The following CDH2 variants were observed in gnomAD, a reference collection of about 807,000 sequenced individuals.
CDH2 encodes cadherin 2.
A neutral mutation model predicts 92.0 loss-of-function variants in CDH2; 17 were observed. The observed-to-expected ratio is 0.18, with a 90% CI of 0.13 to 0.28. The LOEUF is 0.28. Among genes scored for constraint, CDH2 ranks in the 10% least tolerant of loss-of-function variants. The pLI, the probability that CDH2 is intolerant of heterozygous loss-of-function variation, is 1.00. For synonymous variants in CDH2, 419 were observed against 415.9 expected (o/e 1.01, Z -0.09); for missense variants, 862 against 1,133.1 (o/e 0.76, Z 3.44).
intron 3 of CDH2, among the ~76,000 whole-genome samples, chr18:28,012,358 T>G (rs1012433934): frequency 6.6e-6 from 1 of 152,322 alleles, no homozygotes; most frequent in Middle Eastern, 3.4e-3. Flanking sequence ...TACTGTACAT[T>G]AAATTTAGAT....
chr18:27,985,904 C>G (rs530778570), intron 11 of CDH2, 143 bp from the exon 12 acceptor site: 1 of 591,562 alleles, frequency 1.7e-6, no homozygotes, highest in South Asian at 2.2e-5. Flanking sequence ...GGCATCTGGG[C>G]AGACCGTTTC....
chr18:27,947,141 T>C (rs186078338), downstream of CDH2, among the ~76,000 whole-genome samples: 299 of 151,798 alleles, frequency 2.0e-3, 4 homozygotes, highest in Non-Finnish European at 8.1e-4. Flanking sequence ...TGATTGTTTG[T>C]CAGGAAAATC....
chr18:28,079,731 C>T (rs975100670), intron 2 of CDH2, among the ~76,000 whole-genome samples: 15 of 152,184 alleles, frequency 9.9e-5, no homozygotes, highest in African/African-American at 3.4e-4. Context: ...CCTAAAACCA[C>T]GGAACTGCAT....
intron 2 of CDH2, among the ~76,000 whole-genome samples, chr18:28,019,390 AAAG>A (rs200963912): frequency 0.011 from 1,709 of 152,184 alleles, 19 homozygotes; most frequent in South Asian, 0.028. Context: ...AGAAAAAAGA[AAAG>A]AAAAAGAGAA....
chr18:28,072,798 G>A (rs775119890), intron 2 of CDH2, among the ~76,000 whole-genome samples: 9 of 152,188 alleles, frequency 5.9e-5, no homozygotes, highest in Non-Finnish European at 1.3e-4. Flanking sequence ...TCTGCTTTAC[G>A]CAAAGAGTAG....
chr18:28,005,702 T>C, intron 6 of CDH2, 147 bp downstream of exon 6: 1 of 573,440 alleles, frequency 1.7e-6, no homozygotes, highest in Non-Finnish European at 2.9e-6. Flanking sequence ...TTCCCTAAGT[T>C]ACCTTCCTTC....
chr18:28,135,149 G>A (rs1288228215), intron 2 of CDH2, among the ~76,000 whole-genome samples: 1 of 152,038 alleles, frequency 6.6e-6, no homozygotes, highest in Non-Finnish European at 1.5e-5. Context: ...ATAGGGTGTG[G>A]GACAGCTAAA....
chr18:28,030,307 A>T (rs1006639796), intron 2 of CDH2, among the ~76,000 whole-genome samples: 6 of 152,094 alleles, frequency 3.9e-5, no homozygotes, highest in African/African-American at 1.2e-4. Flanking sequence ...ATGAAAAAGT[A>T]TTAAGTGTAA....
At chr18:27,947,462 T>G (rs562193393), downstream of CDH2, among the ~76,000 whole-genome samples, 2 of 151,906 alleles carry the variant, frequency 1.3e-5, no homozygotes, top group South Asian at 4.1e-4. Flanking sequence ...TTATGGAACT[T>G]CACAAAATAA....
intron 2 of CDH2, among the ~76,000 whole-genome samples, chr18:28,130,130 T>C (rs1893259): frequency 0.026 from 3,969 of 152,314 alleles, 108 homozygotes; most frequent in Admixed American, 0.093. Context: ...TTTTCATGTC[T>C]AGGATACAGG....
At chr18:28,013,564 T>C (rs2013156016) in intron 3 of CDH2, 119 bp downstream of exon 3, 3 of 724,428 alleles carry the variant, frequency 4.1e-6, no homozygotes, top group Admixed American at 4.4e-5. Flanking sequence ...ATGACCAAAG[T>C]TGATACAAAT....
intron 1 of CDH2, among the ~76,000 whole-genome samples, chr18:28,148,044 T>C (rs958209974): frequency 6.6e-6 from 1 of 152,184 alleles, no homozygotes; most frequent in Non-Finnish European, 1.5e-5. Context: ...GGACTGAACA[T>C]TTCCATTAAA....
At position 28,007,091 on chromosome 18, in the gene CDH2, C is replaced by T. The variant is rs188621703; in HGVS notation, c.703-1098G>A. On this transcript the variant is annotated intron_variant, in intron 5 of 15. Coordinates refer to ENST00000269141, the MANE Select transcript of CDH2 (RefSeq NM_001792.5). ...AGGAGAATTGCTTGAACCTGGGAGG[C>T]GGCAGCTGCGGTGAGCTGAGATCAT... 2.5e-3 allele frequency among the ~76,000 whole-genome samples: 368 copies of T among 147,326 alleles called. 2 individuals are homozygous for T. The highest frequency in any genetic ancestry group is 8.5e-3 in the African/African-American group (340 of 39,808).
intron 2 of CDH2, among the ~76,000 whole-genome samples, chr18:28,035,548 T>A (rs1294556377): frequency 6.6e-6 from 1 of 152,068 alleles, no homozygotes; most frequent in Non-Finnish European, 1.5e-5. Flanking sequence ...ATTCATCTTG[T>A]TTAACTTTAT....
At chr18:27,998,804 G>C (rs545751515) in intron 7 of CDH2, among the ~76,000 whole-genome samples, 1 of 152,242 alleles carries the variant, frequency 6.6e-6, no homozygotes, top group African/African-American at 2.4e-5. Context: ...ATTTTTAGTA[G>C]AGACAGGGTT....
intron 2 of CDH2, among the ~76,000 whole-genome samples, chr18:28,031,218 T>G (rs1422665870): frequency 6.6e-6 from 1 of 151,784 alleles, no homozygotes; most frequent in African/African-American, 2.4e-5. Context: ...AGTTTCACCC[T>G]CCACCCAAAT....
rs1488602919 is a variant in CDH2, at chr18:28,177,113, G to A, written c.-91C>T. On this transcript the variant is annotated 5_prime_UTR_variant, in exon 1 of 16. Transcript: ENST00000269141. ...GGAGGAGGCAGCGGCAGCACCAACA[G>A]CGGCGCGGAGAAACGGCTCCAGGCA... 3 of 951,674 alleles carry A rather than the reference G, an allele frequency of 3.2e-6. No individual in the cohort carries two copies. The highest frequency in any genetic ancestry group is 4.6e-6 in the Non-Finnish European group (3 of 657,694). 59.0% of individuals were successfully genotyped at this position (951,674 alleles called of 1,614,324 possible).
chr18:27,953,641 G>A (rs989614903), intron 15 of CDH2, among the ~76,000 whole-genome samples: 32 of 92,586 alleles, frequency 3.5e-4, no homozygotes, highest in African/African-American at 7.9e-4. Context: ...CAGGGAAGAA[G>A]AGCAAAAAAA....
At chr18:28,094,136 C>T (rs1232204860) in intron 2 of CDH2, among the ~76,000 whole-genome samples, 1 of 152,086 alleles carries the variant, frequency 6.6e-6, no homozygotes, top group African/African-American at 2.4e-5. Context: ...CCCCAGTTAG[C>T]CTAGTGGATG....
Sources: allele counts gnomAD v4.1 joint callset (sites outside exome capture counted in the v4.1 genomes callset), GRCh38; gene constraint gnomAD v4.1.1; transcripts MANE v1.5; gene names NCBI Gene and HGNC (gene_info 2026-07-23, HGNC 2026-07-21).